Variants in CDKN2C observed in about 807,000 individuals in gnomAD.
CDKN2C encodes the protein cyclin dependent kinase inhibitor 2C.
In CDKN2C, 5 loss-of-function variants were observed where a neutral mutation model predicts 11.0. That is an observed-to-expected ratio of 0.45 (90% CI 0.24 to 0.95). The LOEUF (loss-of-function observed/expected upper bound fraction) is 0.95, where lower values mean the gene tolerates loss of function less well. Among genes scored for constraint, CDKN2C ranks in the 40% least tolerant of loss-of-function variants. CDKN2C has a pLI of 0.21. For missense variants in CDKN2C, 161 were observed against 211.9 expected (o/e 0.76, Z 1.49); for synonymous variants, 79 against 88.3 (o/e 0.89, Z 0.59).
chr1:50,963,003 T>C (rs1645333037), intron 1 of CDKN2C, among the ~76,000 whole-genome samples: 1 of 152,276 alleles, frequency 6.6e-6, no homozygotes, highest in Non-Finnish European at 1.5e-5. Context: ...TGATTTTGAA[T>C]GTTGAATGAT....
chr1:50,965,281 T>C (rs1271817206), upstream of CDKN2C, among the ~76,000 whole-genome samples: 1 of 151,906 alleles, frequency 6.6e-6, no homozygotes, highest in African/African-American at 2.4e-5. Context: ...GGGCAGATCA[T>C]GAGGTCAGGA....
Position 50,974,026 on chromosome 1 carries a change from C to A in CDKN2C, c.263C>A (p.Thr88Asn), listed in dbSNP as rs1216520571. The change falls in exon 2 of 2, where the codon ACT becomes AAT. Residue 88 changes from threonine to asparagine, a missense_variant. Thr to Asn is a moderately conservative substitution (Grantham distance 65). Coordinates refer to ENST00000371761, the MANE Select transcript of CDKN2C (RefSeq NM_078626.3). ...GCAGGTTTCCTGGACACTTTACAGA[C>A]TTTGCTGGAGTTTCAAGCTGATGTT... ...ARAGFLDTLQ[T>N]LLEFQADVNI... 6.2e-7 allele frequency: 1 copy of A among 1,614,174 alleles called. No individual in the cohort carries two copies. Among genetic ancestry groups the A allele is most frequent in the Non-Finnish European group, 8.5e-7 (1 of 1,180,034 alleles).
upstream of CDKN2C, chr1:50,968,641 G>T (rs1017055607): frequency 1.6e-4 from 25 of 152,274 alleles, no homozygotes; most frequent in African/African-American, 5.5e-4. Flanking sequence ...CGCCAGCAGG[G>T]CGGAGGGCGG....
At chr1:50,960,962 A>G (rs1023425895) in intron 1 of CDKN2C, among the ~76,000 whole-genome samples, 1 of 152,242 alleles carries the variant, frequency 6.6e-6, no homozygotes, top group African/African-American at 2.4e-5. Flanking sequence ...AAGCTGAGAC[A>G]TCTTACAAAT....
At chr1:50,964,523 G>T (rs1464662525) in intron 1 of CDKN2C, among the ~76,000 whole-genome samples, 1 of 152,180 alleles carries the variant, frequency 6.6e-6, no homozygotes, top group Non-Finnish European at 1.5e-5. Flanking sequence ...TGTAATTCAT[G>T]AGAAAACTAA....
At chr1:50,969,451 C>G (rs1001387016), upstream of CDKN2C, 1 of 152,084 alleles carries the variant, frequency 6.6e-6, no homozygotes, top group African/African-American at 2.4e-5. This position sits in a 1 kb window ranked among gnomAD's most constrained non-coding sequence, Gnocchi z 6.6. Context: ...CCGGGAGTCC[C>G]GGGACCTGGC....
chr1:50,971,971 A>T (rs1222344492), intron 1 of CDKN2C, among the ~76,000 whole-genome samples: 1 of 152,150 alleles, frequency 6.6e-6, no homozygotes, highest in East Asian at 1.9e-4. Flanking sequence ...CTGACTCTGA[A>T]GTTGTGTCAT....
At chr1:50,962,516 C>G (rs1418108866) in intron 1 of CDKN2C, among the ~76,000 whole-genome samples, 1 of 152,168 alleles carries the variant, frequency 6.6e-6, no homozygotes. Context: ...ATAGGCCACC[C>G]TCAGTATAAG....
chr1:50,967,052 T>C (rs1645350206), upstream of CDKN2C, among the ~76,000 whole-genome samples: 1 of 152,226 alleles, frequency 6.6e-6, no homozygotes, highest in Non-Finnish European at 1.5e-5. Flanking sequence ...TATGTAATCA[T>C]ACAATTTAAG....
At chr1:50,966,201 G>T (rs1415941667), upstream of CDKN2C, among the ~76,000 whole-genome samples, 1 of 151,640 alleles carries the variant, frequency 6.6e-6, no homozygotes, top group African/African-American at 2.4e-5. Context: ...ACCACGCCCA[G>T]CTAATTTTTT....
chr1:50,961,255 A>G (rs1214197854), intron 1 of CDKN2C, among the ~76,000 whole-genome samples: 3 of 152,040 alleles, frequency 2.0e-5, no homozygotes, highest in Non-Finnish European at 4.4e-5. Context: ...GGGCAAGCTG[A>G]TCTCGAACTC....
At position 50,965,057 on chromosome 1, in the gene CDKN2C, T is replaced by TATAGGTAG. The variant is rs1553155133; in HGVS notation, c.-1975-2875_-1975-2874insGTAGATAG. Reference sequence around the variant, plus strand: ...ACAAAGCGAGATTCAGTCTCAAAAATATAGATAGATAGATAGATAGATAGA... The same window carrying TATAGGTAG: ...ACAAAGCGAGATTCAGTCTCAAAAATATAGGTAGATAGATAGATAGATAGATAGATAGA... On this transcript the variant is annotated intron_variant, in intron 1 of 3. Coordinates refer to the CDKN2C transcript ENST00000262662. Among the ~76,000 whole-genome samples the TATAGGTAG allele has an allele frequency of 2.0e-5, 3 of 147,208 alleles. No homozygotes were observed. The Admixed American group carries it at 2.0e-4, about 10-fold the overall frequency.
upstream of CDKN2C, chr1:50,970,022 C>G (rs1019158084): frequency 2.3e-6 from 1 of 427,368 alleles, no homozygotes; most frequent in African/African-American, 2.0e-5. Context: ...AGGTACGTGA[C>G]AGCTCTGCCT....
rs1412298364 is a variant in CDKN2C at position 50,970,382 on chromosome 1, G to T, written c.14G>T (p.Trp5Leu). Residue 5 changes from tryptophan to leucine, a missense_variant, in exon 1 of 2, where the codon TGG (tryptophan) becomes TTG (leucine). By Grantham distance (61) the Trp-to-Leu change is moderately conservative. Coordinates refer to ENST00000371761, the MANE Select transcript of CDKN2C (RefSeq NM_078626.3). MAEP[W>L]GNELASAAAR... Reference sequence around the variant, plus strand: ...GGACCCTAAAGAATGGCCGAGCCTTGGGGGAACGAGTTGGCGTCCGCAGCT... The same window carrying T: ...GGACCCTAAAGAATGGCCGAGCCTTTGGGGAACGAGTTGGCGTCCGCAGCT... 1 of 1,614,006 alleles carries T rather than the reference G, an allele frequency of 6.2e-7. No homozygotes were observed. Among genetic ancestry groups the T allele is most frequent in the Non-Finnish European group, 8.5e-7 (1 of 1,180,038 alleles).
upstream of CDKN2C, chr1:50,968,467 A>C (rs1645359238): frequency 6.6e-6 from 1 of 152,392 alleles, no homozygotes; most frequent in Non-Finnish European, 1.5e-5. Context: ...GCAGAAGGGC[A>C]GGCCGGACTT....
Position 50,974,424 on chromosome 1 carries a change from A to C in CDKN2C, c.*154A>C. On this transcript the variant is annotated 3_prime_UTR_variant, in exon 2 of 2. Transcript: ENST00000371761. ...TAAGTGAAAATCTTACAACAGGCTTATGAATATATTTAAGCAACATCTTTT... is the reference window on the plus strand; with the variant it reads ...TAAGTGAAAATCTTACAACAGGCTTCTGAATATATTTAAGCAACATCTTTT... 1 of 666,284 alleles carries C rather than the reference A, an allele frequency of 1.5e-6. No homozygotes were observed. The highest frequency in any genetic ancestry group is 2.9e-5 in the East Asian group (1 of 34,838). The allele number at this position is 666,284 out of a possible 1,614,324, so 41.3% of individuals were successfully genotyped here.
chr1:50,971,317 A>G (rs1186837437), intron 1 of CDKN2C, among the ~76,000 whole-genome samples: 2 of 152,250 alleles, frequency 1.3e-5, no homozygotes, highest in African/African-American at 2.4e-5. Flanking sequence ...CAGAGTTCTG[A>G]TGATATTCTT....
In CDKN2C at chr1:50,974,410, C is replaced by T; in HGVS notation, c.*140C>T. On this transcript the variant is annotated 3_prime_UTR_variant, in exon 2 of 2. Transcript: ENST00000371761. Reference sequence around the variant, plus strand: ...TTTCTGAAACTGCATAAGTGAAAATCTTACAACAGGCTTATGAATATATTT... The same window carrying T: ...TTTCTGAAACTGCATAAGTGAAAATTTTACAACAGGCTTATGAATATATTT... The T allele has an allele frequency of 1.3e-6, 1 of 771,466 alleles. No individual in the cohort carries two copies. Among genetic ancestry groups the T allele is most frequent in the South Asian group, 2.7e-5 (1 of 36,552 alleles). 47.8% of individuals were successfully genotyped at this position (771,466 alleles called of 1,614,324 possible). A position where few individuals can be genotyped will look rare whatever the true frequency, so the allele number is the denominator to read the frequency against.
At chr1:50,964,415 A>G (rs144615959) in intron 1 of CDKN2C, among the ~76,000 whole-genome samples, 34 of 152,342 alleles carry the variant, frequency 2.2e-4, no homozygotes, top group African/African-American at 7.2e-4. Flanking sequence ...ACATCATATC[A>G]AGGCCATGTG....
Sources: allele counts gnomAD v4.1 joint callset (sites outside exome capture counted in the v4.1 genomes callset), GRCh38; gene constraint gnomAD v4.1.1; non-coding constraint Gnocchi (gnomAD v3.1); transcripts MANE v1.5; gene names NCBI Gene and HGNC (gene_info 2026-07-23, HGNC 2026-07-21).